PCDHGA9: variants seen among roughly 807,000 people sequenced by gnomAD.
PCDHGA9 encodes protocadherin gamma-A9.
PCDHGA9 carries 37 observed loss-of-function variants against 62.5 expected under a neutral mutation model. The observed-to-expected ratio is 0.59, with a 90% CI of 0.46 to 0.78. The LOEUF is 0.78. Among genes scored for constraint, PCDHGA9 ranks in the 30% least tolerant of loss-of-function variants. The probability of loss-of-function intolerance (pLI) is 0.00; values close to 1 mark genes in which losing one functional copy is unlikely to be tolerated. For synonymous variants in PCDHGA9, 459 were observed against 484.6 expected, an observed-to-expected ratio of 0.95 and a Z score of 0.69; for missense variants, 1,138 against 1,166.2, an observed-to-expected ratio of 0.98 and a Z score of 0.35.
intron 1 of PCDHGA9, chr5:141,427,607 T>C (rs1157037825): frequency 1.5e-6 from 1 of 688,594 alleles, no homozygotes; most frequent in Non-Finnish European, 2.7e-6. Context: ...TACGCATTGG[T>C]GAAGTCAACG....
chr5:141,478,142 G>T (rs774271595), intron 1 of PCDHGA9: 8 of 1,613,988 alleles, frequency 5.0e-6, no homozygotes, highest in Non-Finnish European at 6.8e-6. Flanking sequence ...AGCCCGAGCC[G>T]AGTTCCCCTC....
chr5:141,443,226 A>T (rs2098374954), intron 1 of PCDHGA9, among the ~76,000 whole-genome samples: 1 of 152,042 alleles, frequency 6.6e-6, no homozygotes, highest in Non-Finnish European at 1.5e-5. Flanking sequence ...CGCATCTATA[A>T]TCTTAGCACT....
chr5:141,423,730 A>G, intron 1 of PCDHGA9: 1 of 831,022 alleles, frequency 1.2e-6, no homozygotes. Flanking sequence ...ATGTTTTTTG[A>G]GCCTGTTATG....
chr5:141,483,648 T>TTG (rs111458813), intron 1 of PCDHGA9, among the ~76,000 whole-genome samples: 1,883 of 149,700 alleles, frequency 0.013, 19 homozygotes, highest in African/African-American at 0.023. Flanking sequence ...GGGTGTGTGT[T>TTG]TGTGTGTGTG....
chr5:141,415,843 G>T (rs1022622333), intron 1 of PCDHGA9: 36 of 1,251,418 alleles, frequency 2.9e-5, no homozygotes, highest in Non-Finnish European at 3.6e-5. Flanking sequence ...GATTAGCTTT[G>T]CAGAACCTTG....
At chr5:141,462,144 G>A (rs984269848) in intron 1 of PCDHGA9, among the ~76,000 whole-genome samples, 1 of 152,042 alleles carries the variant, frequency 6.6e-6, no homozygotes, top group South Asian at 2.1e-4. Context: ...ATTTTTAGTA[G>A]AGATGGGGTT....
At chr5:141,466,508 T>C (rs2099123841) in intron 1 of PCDHGA9, among the ~76,000 whole-genome samples, 1 of 152,190 alleles carries the variant, frequency 6.6e-6, no homozygotes, top group African/African-American at 2.4e-5. Context: ...ACAGACAAGA[T>C]CATTTTTTTT....
chr5:141,470,297 T>A (rs2099227289), intron 1 of PCDHGA9, among the ~76,000 whole-genome samples: 2 of 152,348 alleles, frequency 1.3e-5, no homozygotes, highest in Admixed American at 1.3e-4. Flanking sequence ...TAACTGTTTT[T>A]ATTCCATTTT....
chr5:141,505,284 G>A, intron 2 of PCDHGA9, 109 bp from the exon 3 acceptor site: 1 of 1,548,402 alleles, frequency 6.5e-7, no homozygotes. Flanking sequence ...CAGGTCTTGG[G>A]CATGGGGTAG....
At chr5:141,441,890 T>C (rs967557692) in intron 1 of PCDHGA9, 18 of 348,170 alleles carry the variant, frequency 5.2e-5, no homozygotes, top group Non-Finnish European at 7.2e-5. Flanking sequence ...GTCACCAAGG[T>C]GGTGGCTGTA....
Position 141,405,357 on chromosome 5 carries a change from A to G in PCDHGA9, c.2405A>G (p.Glu802Gly). The change falls in exon 1 of 4, where the codon GAA (glutamate) becomes GGA (glycine). Residue 802 changes from glutamate to glycine, a missense_variant. Glu to Gly is a moderately conservative substitution (Grantham distance 98). Coordinates refer to ENST00000573521, the MANE Select transcript of PCDHGA9 (RefSeq NM_018921.3). ...TCTGTTGATTCCAAGTTTCCTATAG[A>G]AGACACCCCTTTGGTTCCGGTGAGT... is the stretch of plus-strand genomic sequence containing the variant. ...CVSVDSKFPI[E>G]DTPLVPQAPP... is the part of the protein sequence containing the mutation. 1 of 1,613,846 alleles carries G rather than the reference A, an allele frequency of 6.2e-7. No homozygotes were observed. Among genetic ancestry groups the G allele is most frequent in the Non-Finnish European group, 8.5e-7 (1 of 1,179,890 alleles).
At chr5:141,450,829 ATT>A (rs373424450) in intron 1 of PCDHGA9, among the ~76,000 whole-genome samples, 3 of 135,116 alleles carry the variant, frequency 2.2e-5, no homozygotes, top group African/African-American at 2.7e-5. Flanking sequence ...TATTATTATT[ATT>A]TTTTTTTTTT....
chr5:141,441,739 C>T, intron 1 of PCDHGA9: 1 of 365,272 alleles, frequency 2.7e-6, no homozygotes, highest in South Asian at 2.2e-5. Context: ...GACTAGCTCG[C>T]GCTCGGCGTC....
intron 1 of PCDHGA9, among the ~76,000 whole-genome samples, chr5:141,443,376 T>C (rs1365277469): frequency 6.6e-6 from 1 of 151,990 alleles, no homozygotes; most frequent in Admixed American, 6.6e-5. Flanking sequence ...TCTCAGCTAC[T>C]TGGGAGGCTG....
In PCDHGA9 at chr5:141,491,533, C is replaced by G. The variant is rs758270791; in HGVS notation, c.2425-3274C>G. 4.3e-6 allele frequency: 7 copies of G among 1,614,010 alleles called. No homozygotes were observed. The highest frequency in any genetic ancestry group is 5.1e-6 in the Non-Finnish European group (6 of 1,180,028). ...GCTCAAGTACATGGAGGTGACGCTGCGGCCCACAGACTCGCAGAGCCACTG... is the reference window on the plus strand; with the variant it reads ...GCTCAAGTACATGGAGGTGACGCTGGGGCCCACAGACTCGCAGAGCCACTG... On this transcript the variant is annotated intron_variant, in intron 1 of 3. Transcript: ENST00000573521. The surrounding 1 kb of genome is among the most constrained non-coding windows in gnomAD (Gnocchi z 6.9).
At chr5:141,419,585 G>C (rs2096403161) in intron 1 of PCDHGA9, 8 of 1,611,776 alleles carry the variant, frequency 5.0e-6, no homozygotes, top group Non-Finnish European at 6.8e-6. Flanking sequence ...CGCGCTCTTC[G>C]ACACAGTGCC....
intron 3 of PCDHGA9, among the ~76,000 whole-genome samples, chr5:141,507,790 A>C (rs922507228): frequency 5.9e-5 from 9 of 152,188 alleles, no homozygotes; most frequent in Admixed American, 2.6e-4. Context: ...ACCCTCGTCT[A>C]AGCCTGCGCC....
intron 1 of PCDHGA9, chr5:141,413,279 TCTC>T (rs759727755): frequency 2.4e-5 from 39 of 1,613,826 alleles, no homozygotes; most frequent in Non-Finnish European, 3.1e-5. Flanking sequence ...GCCCGGCAGA[TCTC>T]CTACTCAATT....
intron 1 of PCDHGA9, chr5:141,408,300 T>TC: frequency 6.2e-7 from 1 of 1,613,732 alleles, no homozygotes; most frequent in South Asian, 1.1e-5. Context: ...AGTGAGCCGA[T>TC]CCGCTACTCG....
Sources: gnomAD v4.1 joint callset for allele counts (sites outside exome capture counted in the v4.1 genomes callset) on GRCh38, gnomAD v4.1.1 for gene constraint, Gnocchi (gnomAD v3.1) non-coding constraint, MANE v1.5 for transcripts, NCBI Gene and HGNC (gene_info 2026-07-23, HGNC 2026-07-21) for gene names.